GNG12: variants seen among roughly 807,000 people sequenced by gnomAD.
GNG12 encodes guanine nucleotide-binding protein G(I)/G(S)/G(O) subunit gamma-12.
For synonymous variants in GNG12, 28 were observed against 29.7 expected, an observed-to-expected ratio of 0.94 and a Z score of 0.19; for missense variants, 69 against 83.8, an observed-to-expected ratio of 0.82 and a Z score of 0.69.
intron 1 of GNG12, among the ~76,000 whole-genome samples, chr1:67,820,417 C>T (rs1229051340): frequency 6.6e-6 from 1 of 150,956 alleles, no homozygotes; most frequent in Non-Finnish European, 1.5e-5. Flanking sequence ...AGCTTATTAA[C>T]AACTGAAAAA....
At chr1:67,741,987 A>G (rs1037260934) in intron 2 of GNG12, among the ~76,000 whole-genome samples, 1 of 152,216 alleles carries the variant, frequency 6.6e-6, no homozygotes, top group African/African-American at 2.4e-5. Flanking sequence ...CAGGTGGCTG[A>G]GGCTGTGACC....
In GNG12 at chr1:67,754,743, C is replaced by G. The variant is rs553912290; in HGVS notation, c.-27+22715G>C. 1.3e-4 allele frequency among the ~76,000 whole-genome samples: 20 copies of G among 152,310 alleles called. No homozygotes were observed. The South Asian group carries it at 3.9e-3, about 30-fold the overall frequency. On this transcript the variant is annotated intron_variant, in intron 2 of 3. Coordinates refer to ENST00000370982, the MANE Select transcript of GNG12 (RefSeq NM_018841.6). ...ACCTCCGTCTCTCCCATCAGGATAC[C>G]GAGCACACTTGTTGGTCTTCTGCAT...
chr1:67,702,721 G>A lies in GNG12; in HGVS notation c.*2730C>T, dbSNP rs1043428496. ...TACTTCGGAGTCATGAAATCATGCC[G>A]TGGTCCTGAGGCCTCAACTGGACAG... On this transcript the variant is annotated 3_prime_UTR_variant, in exon 4 of 4. Transcript: ENST00000370982. The A allele has an allele frequency of 1.3e-5, 2 of 151,884 alleles. No individual in the cohort carries two copies. The highest frequency in any genetic ancestry group is 4.2e-4 in the South Asian group (2 of 4,818). 9.4% of individuals were successfully genotyped at this position (151,884 alleles called of 1,614,324 possible).
intron 2 of GNG12, among the ~76,000 whole-genome samples, chr1:67,736,726 C>A (rs142558591): frequency 6.6e-6 from 1 of 152,328 alleles, no homozygotes; most frequent in East Asian, 1.9e-4. Context: ...ATCCAGGAAC[C>A]TCAGCAGATA....
At chr1:67,708,918 C>T (rs549025536) in intron 2 of GNG12, among the ~76,000 whole-genome samples, 45 of 152,242 alleles carry the variant, frequency 3.0e-4, no homozygotes, top group African/African-American at 7.9e-4. Flanking sequence ...CCATAAAGGC[C>T]GAGACCAGAC....
At chr1:67,825,609 C>T (rs1358772058) in intron 1 of GNG12, among the ~76,000 whole-genome samples, 1 of 152,210 alleles carries the variant, frequency 6.6e-6, no homozygotes, top group Non-Finnish European at 1.5e-5. Flanking sequence ...TAACAAGACT[C>T]CGCACCTTTT....
chr1:67,801,954 G>A (rs1646868340), intron 1 of GNG12, among the ~76,000 whole-genome samples: 1 of 150,806 alleles, frequency 6.6e-6, no homozygotes. Context: ...AAAGAAGGAA[G>A]GGGGGTGAGG....
rs964574214 is a variant in GNG12 at position 67,703,717 on chromosome 1, G to A, written c.*1734C>T. On this transcript the variant is annotated 3_prime_UTR_variant, in exon 4 of 4. Transcript: ENST00000370982. ...GATTTTCACATGGCCTTAGAAAAGCGAGGGGCATTCATAAGGCTGAGTAGA... is the reference window on the plus strand; with the variant it reads ...GATTTTCACATGGCCTTAGAAAAGCAAGGGGCATTCATAAGGCTGAGTAGA... 2.0e-5 allele frequency: 3 copies of A among 152,192 alleles called. No homozygotes were observed. The allele number at this position is 152,192 out of a possible 1,614,324, so 9.4% of individuals were successfully genotyped here.
chr1:67,702,297 G>C lies in GNG12; in HGVS notation c.*3154C>G, dbSNP rs990737509. On this transcript the variant is annotated 3_prime_UTR_variant, in exon 4 of 4. Coordinates refer to ENST00000370982, the MANE Select transcript of GNG12 (RefSeq NM_018841.6). ...ACTGGCATGTACTACGATCATTTTG[G>C]GGGCCTATATAGATCTTACATCAAA... The C allele has an allele frequency of 1.3e-5, 2 of 152,110 alleles. No homozygotes were observed. Among genetic ancestry groups the C allele is most frequent in the African/African-American group, 2.4e-5 (1 of 41,422 alleles). 9.4% of individuals were successfully genotyped at this position (152,110 alleles called of 1,614,324 possible).
chr1:67,751,634 G>C (rs1186877093), intron 2 of GNG12, among the ~76,000 whole-genome samples: 1 of 152,170 alleles, frequency 6.6e-6, no homozygotes, highest in Non-Finnish European at 1.5e-5. Flanking sequence ...TACTGCTTCT[G>C]GGATACTTAG....
intron 1 of GNG12, among the ~76,000 whole-genome samples, chr1:67,783,626 A>G (rs1646750623): frequency 6.6e-6 from 1 of 152,218 alleles, no homozygotes; most frequent in Non-Finnish European, 1.5e-5. Context: ...TTTACTAGAA[A>G]AAAACAACCC....
chr1:67,818,703 TG>T (rs1382861749), intron 1 of GNG12, among the ~76,000 whole-genome samples: 2 of 152,120 alleles, frequency 1.3e-5, no homozygotes, highest in Non-Finnish European at 2.9e-5. Flanking sequence ...AAGATGAGCT[TG>T]TTCTACAAAG....
At chr1:67,831,628 T>C (rs1647045607) in intron 1 of GNG12, among the ~76,000 whole-genome samples, 1 of 152,228 alleles carries the variant, frequency 6.6e-6, no homozygotes, top group African/African-American at 2.4e-5. Context: ...TTTACGGCGC[T>C]GGTTAACTAT....
chr1:67,711,276 A>ATGGC lies in GNG12; in HGVS notation c.-26-3568_-26-3565dup, dbSNP rs554871359. 1.7e-3 allele frequency among the ~76,000 whole-genome samples: 263 copies of ATGGC among 152,294 alleles called. 1 individual carries two copies. The Middle Eastern group carries it at 0.024, about 14-fold the overall frequency. ...ACTTCCCTCTACCTTTCTCAGTTCTATGGCTGGGCTACAAATTAACCTGAC... is the reference window on the plus strand; with the variant it reads ...ACTTCCCTCTACCTTTCTCAGTTCTATGGCTGGCTGGGCTACAAATTAACCTGAC... On this transcript the variant is annotated intron_variant, in intron 2 of 3. Transcript: ENST00000370982.
chr1:67,825,557 A>C (rs944547852), intron 1 of GNG12, among the ~76,000 whole-genome samples: 1 of 152,224 alleles, frequency 6.6e-6, no homozygotes, highest in Non-Finnish European at 1.5e-5. Flanking sequence ...GTTGGTACTA[A>C]GGGGAACACA....
chr1:67,830,748 G>A (rs1352679774), intron 1 of GNG12, among the ~76,000 whole-genome samples: 2 of 152,004 alleles, frequency 1.3e-5, no homozygotes, highest in Admixed American at 6.6e-5. Context: ...TATTGCTGTG[G>A]TAGAAACATC....
chr1:67,820,517 G>T (rs1646979184), intron 1 of GNG12, among the ~76,000 whole-genome samples: 1 of 152,156 alleles, frequency 6.6e-6, no homozygotes, highest in South Asian at 2.1e-4. Flanking sequence ...TCTCCTCCCT[G>T]TGTCCCTTCC....
intron 2 of GNG12, among the ~76,000 whole-genome samples, chr1:67,767,178 T>C (rs1646645515): frequency 6.6e-6 from 1 of 152,176 alleles, no homozygotes; most frequent in African/African-American, 2.4e-5. Context: ...TGCTGGGCCA[T>C]GCAGTTATCT....
At chr1:67,766,462 G>A (rs1646640400) in intron 2 of GNG12, among the ~76,000 whole-genome samples, 1 of 152,162 alleles carries the variant, frequency 6.6e-6, no homozygotes, top group Admixed American at 6.5e-5. Context: ...GGCACAGTAA[G>A]AGGGAGGGAA....
Sources: allele counts gnomAD v4.1 joint callset (sites outside exome capture counted in the v4.1 genomes callset), GRCh38; gene constraint gnomAD v4.1.1; transcripts MANE v1.5; gene names NCBI Gene and HGNC (gene_info 2026-07-23, HGNC 2026-07-21).